Variants in ZFR2 observed in about 807,000 individuals in gnomAD.
ZFR2 encodes the protein zinc finger RNA binding protein 2.
A neutral mutation model predicts 105.7 loss-of-function variants in ZFR2; 104 were observed. The observed-to-expected ratio is 0.98, with a 90% CI of 0.84 to 1.16. ZFR2 has a LOEUF of 1.16. Among genes scored for constraint, ZFR2 ranks in the 50% most tolerant of loss-of-function variants. The probability of loss-of-function intolerance (pLI) is 0.00; values close to 1 mark genes in which losing one functional copy is unlikely to be tolerated. For missense variants in ZFR2, 1,425 were observed against 1,355.5 expected (o/e 1.05, Z -0.80); for synonymous variants, 634 against 597.7 (o/e 1.06, Z -0.89).
At position 3,823,579 on chromosome 19, in the gene ZFR2, C is replaced by T. The variant is rs1420835551; in HGVS notation, c.1214-176G>A. Reference sequence around the variant, plus strand: ...CAGCAACCTCGCTCTCCCTTTCATGCCTGCGTGTGACCCAGCCAAGAAACC... The same window carrying T: ...CAGCAACCTCGCTCTCCCTTTCATGTCTGCGTGTGACCCAGCCAAGAAACC... On this transcript the variant is annotated intron_variant, in intron 7 of 18. Coordinates refer to ENST00000262961, the MANE Select transcript of ZFR2 (RefSeq NM_015174.2). This position sits in a 1 kb window ranked among gnomAD's most constrained non-coding sequence, Gnocchi z 5.4. 2.0e-5 allele frequency among the ~76,000 whole-genome samples: 3 copies of T among 152,182 alleles called. No individual in the cohort carries two copies. The highest frequency in any genetic ancestry group is 2.9e-5 in the Non-Finnish European group (2 of 68,032).
At position 3,827,463 on chromosome 19, in the gene ZFR2, G is replaced by T. The variant is rs1277485632; in HGVS notation, c.1035+8C>A. The T allele has an allele frequency of 6.5e-7, 1 of 1,539,002 alleles. No homozygotes were observed. The highest frequency in any genetic ancestry group is 1.4e-5 in the African/African-American group (1 of 72,780). ...GGGTGGCAGAGCCTGGGCCGGGCGGGGCCGTACCTTCTGGTGCTTGGATCC... is the reference window on the plus strand; with the variant it reads ...GGGTGGCAGAGCCTGGGCCGGGCGGTGCCGTACCTTCTGGTGCTTGGATCC... On this transcript the variant is annotated splice_region_variant and intron_variant, in intron 6 of 18. Transcript: ENST00000262961.
At chr19:3,865,024 C>T (rs2038414127) in intron 1 of ZFR2, among the ~76,000 whole-genome samples, 1 of 152,154 alleles carries the variant, frequency 6.6e-6, no homozygotes, top group Admixed American at 6.6e-5. Context: ...GCTGGGATTA[C>T]AGGTGTGAGC....
chr19:3,824,819 C>T (rs2037931595), intron 7 of ZFR2, among the ~76,000 whole-genome samples: 1 of 152,132 alleles, frequency 6.6e-6, no homozygotes, highest in Admixed American at 6.6e-5. Flanking sequence ...TGCCTATAGT[C>T]CCAGCTACTC....
Position 3,808,926 on chromosome 19 carries a change from C to CGGGGCCCA in ZFR2, c.2483_2490dup (p.Gly831TrpfsTer20). 3.8e-6 allele frequency: 6 copies of CGGGGCCCA among 1,572,776 alleles called. No individual in the cohort carries two copies. Among genetic ancestry groups the CGGGGCCCA allele is most frequent in the Non-Finnish European group, 5.2e-6 (6 of 1,161,414 alleles). ...TCCAGGACTCGCCTGACTGCATCCC[C>CGGGGCCCA]GGGGCCCAGGGGCCCAGCCGCACTG... On this transcript the variant is annotated frameshift_variant, in exon 17 of 19. Transcript: ENST00000262961. LOFTEE classifies it high-confidence loss of function.
chr19:3,806,971 C>G (rs78137267), intron 18 of ZFR2, among the ~76,000 whole-genome samples: 22,122 of 152,194 alleles, frequency 0.15, 1,964 homozygotes, highest in Admixed American at 0.3. Context: ...CTTTGGCTCT[C>G]AGCTGCTGGC....
chr19:3,860,476 T>C (rs553493162), intron 1 of ZFR2, among the ~76,000 whole-genome samples: 3 of 152,246 alleles, frequency 2.0e-5, no homozygotes, highest in African/African-American at 4.8e-5. Flanking sequence ...GAGGTGGGAA[T>C]TGGATTCCAG....
chr19:3,816,609 G>A, intron 13 of ZFR2, 65 bp downstream of exon 13: 2 of 1,547,260 alleles, frequency 1.3e-6, no homozygotes. Context: ...GGAGCGCAAG[G>A]GGCTGCGGGG....
chr19:3,861,638 A>C (rs2038374685), intron 1 of ZFR2, among the ~76,000 whole-genome samples: 1 of 150,194 alleles, frequency 6.7e-6, no homozygotes, highest in Non-Finnish European at 1.5e-5. Context: ...AAAATAATTG[A>C]AATAGGGCTG....
At chr19:3,829,090 T>C (rs1201832481) in intron 5 of ZFR2, among the ~76,000 whole-genome samples, 1 of 151,788 alleles carries the variant, frequency 6.6e-6, no homozygotes, top group Non-Finnish European at 1.5e-5. Context: ...GCCTCCCAAG[T>C]AGCTGGGACT....
intron 1 of ZFR2, among the ~76,000 whole-genome samples, chr19:3,856,096 C>G (rs1445179554): frequency 6.6e-6 from 1 of 152,126 alleles, no homozygotes; most frequent in Non-Finnish European, 1.5e-5. Context: ...GCGGTGGAGG[C>G]GGTGCGCGTG....
At chr19:3,848,992 T>TCAAAACAAAACAAAACAAAA (rs143956990) in intron 1 of ZFR2, among the ~76,000 whole-genome samples, 1 of 151,600 alleles carries the variant, frequency 6.6e-6, no homozygotes, top group Admixed American at 6.6e-5. Context: ...AGACTCCGTC[T>TCAAAACAAAACAAAACAAAA]CAAAACAAAA....
At chr19:3,828,519 A>T (rs1426368932) in intron 5 of ZFR2, among the ~76,000 whole-genome samples, 18 of 152,226 alleles carry the variant, frequency 1.2e-4, no homozygotes, top group African/African-American at 3.9e-4. Flanking sequence ...TGCTGCCCGA[A>T]GGATAGTCAC....
At chr19:3,848,062 A>C (rs2038201381) in intron 1 of ZFR2, among the ~76,000 whole-genome samples, 1 of 152,228 alleles carries the variant, frequency 6.6e-6, no homozygotes, top group South Asian at 2.1e-4. Context: ...GGGAAATCCA[A>C]GTACGGTTGC....
chr19:3,856,018 G>A (rs1241557634), intron 1 of ZFR2, among the ~76,000 whole-genome samples: 3 of 152,214 alleles, frequency 2.0e-5, no homozygotes, highest in Non-Finnish European at 4.4e-5. Context: ...CGCTGTGCGC[G>A]GATGGAAATG....
intron 1 of ZFR2, among the ~76,000 whole-genome samples, chr19:3,852,892 C>A (rs1599252251): frequency 6.6e-6 from 1 of 152,326 alleles, no homozygotes; most frequent in South Asian, 2.1e-4. Context: ...GAGCTCCTGG[C>A]ATGGAGTGGG....
intron 6 of ZFR2, among the ~76,000 whole-genome samples, chr19:3,826,251 C>T (rs2037948523): frequency 1.3e-5 from 2 of 152,032 alleles, no homozygotes; most frequent in African/African-American, 2.4e-5. Flanking sequence ...TGTCCTGAGC[C>T]GAGCCAGGGA....
At chr19:3,836,859 C>G (rs2038080158) in intron 1 of ZFR2, among the ~76,000 whole-genome samples, 1 of 152,154 alleles carries the variant, frequency 6.6e-6, no homozygotes, top group Non-Finnish European at 1.5e-5. Context: ...GTTCTGGAGT[C>G]TAAAAGCCCA....
chr19:3,810,657 G>T, intron 16 of ZFR2, 93 bp downstream of exon 16: 1 of 1,258,968 alleles, frequency 7.9e-7, no homozygotes, highest in Non-Finnish European at 1.1e-6. Context: ...GCTCCTTCGA[G>T]GGAAAAGGTC....
chr19:3,850,683 A>C (rs2038228514), intron 1 of ZFR2, among the ~76,000 whole-genome samples: 1 of 151,578 alleles, frequency 6.6e-6, no homozygotes, highest in African/African-American at 2.4e-5. Flanking sequence ...GGAGTTAGAC[A>C]TCAGCCTGGG....
Sources: allele counts gnomAD v4.1 joint callset (sites outside exome capture counted in the v4.1 genomes callset), GRCh38; gene constraint gnomAD v4.1.1; non-coding constraint Gnocchi (gnomAD v3.1); transcripts MANE v1.5; gene names NCBI Gene and HGNC (gene_info 2026-07-23, HGNC 2026-07-21).